Variants in LOXL4 observed in about 807,000 individuals in gnomAD.
LOXL4 encodes lysyl oxidase homolog 4.
LOXL4 carries 72 observed loss-of-function variants against 89.1 expected under a neutral mutation model. The ratio of observed to expected loss-of-function variants is 0.81; its 90% confidence interval spans 0.67 to 0.98. The LOEUF (loss-of-function observed/expected upper bound fraction) is 0.98. Ranked by LOEUF, LOXL4 falls within the 50% of genes least tolerant of loss-of-function variation. The pLI is 0.00. For synonymous variants in LOXL4, 355 were observed against 392.1 expected (o/e 0.91, Z 1.12); for missense variants, 984 against 1,017.5 (o/e 0.97, Z 0.45).
At chr10:98,264,011 G>A (rs1167395183) in intron 1 of LOXL4, among the ~76,000 whole-genome samples, 1 of 151,956 alleles carries the variant, frequency 6.6e-6, no homozygotes, top group Non-Finnish European at 1.5e-5. Flanking sequence ...GATTACAGGT[G>A]TGAGCCACTG....
chr10:98,252,278 G>A (rs1372335614), intron 12 of LOXL4, 75 bp downstream of exon 12: 6 of 1,179,896 alleles, frequency 5.1e-6, no homozygotes, highest in Non-Finnish European at 7.5e-6. Flanking sequence ...AGGGCAGAGA[G>A]AAAGCCTGAT....
rs1439907750 is a variant in LOXL4 at position 98,247,929 on chromosome 10, T to G, written c.*992A>C. The stretch of plus-strand genomic sequence containing the variant: ...CCCTTCTGATTTCTCCACGGTCTTC[T>G]GTCTCTTGCTCTGCCAAACTTGTTT... On this transcript the variant is annotated 3_prime_UTR_variant, in exon 15 of 15. Transcript: ENST00000260702. The G allele has an allele frequency of 1.3e-5, 2 of 152,264 alleles. No homozygotes were observed. The highest frequency in any genetic ancestry group is 4.8e-5 in the African/African-American group (2 of 41,468). 9.4% of individuals were successfully genotyped at this position (152,264 alleles called of 1,614,324 possible). A position where few individuals can be genotyped will look rare whatever the true frequency, so the allele number is the denominator to read the frequency against.
chr10:98,255,213 T>C (rs1046924995), intron 10 of LOXL4, among the ~76,000 whole-genome samples: 1 of 152,200 alleles, frequency 6.6e-6, no homozygotes, highest in African/African-American at 2.4e-5. Context: ...CAAACCACAG[T>C]AAGAAATACA....
At position 98,257,746 on chromosome 10, in the gene LOXL4, G is replaced by A. The variant is rs138979330; in HGVS notation, c.1164C>T (p.Ser388=). Residue 388 remains serine, a synonymous_variant, in exon 8 of 15, where the codon AGC becomes AGT. Transcript: ENST00000260702. The part of the protein sequence containing the change: ...VRCRGYERTL[S]DCPALEGSQN... ...GGGACCCTTCCAGGGCAGGGCAGTC[G>A]CTGAGGGTCCGCTCATATCCCCTGC... The A allele has an allele frequency of 1.9e-5, 31 of 1,614,106 alleles. No individual in the cohort carries two copies. Among genetic ancestry groups the A allele is most frequent in the Middle Eastern group, 1.7e-4 (1 of 6,058 alleles).
Position 98,259,071 on chromosome 10 carries a change from C to G in LOXL4, c.859G>C (p.Val287Leu). 1 of 1,584,240 alleles carries G rather than the reference C, an allele frequency of 6.3e-7. No homozygotes were observed. The highest frequency in any genetic ancestry group is 1.1e-5 in the South Asian group (1 of 87,484). ...GGTGGGCGGAAGTGAGGCCCTGCCACACAGCTGACCACAGCGTGCATGCCA... is the reference window on the plus strand; with the variant it reads ...GGTGGGCGGAAGTGAGGCCCTGCCAGACAGCTGACCACAGCGTGCATGCCA... ...PGGMHAVVSCVAGPHFRPPKT... is the reference protein window; with the variant it reads ...PGGMHAVVSCLAGPHFRPPKT... Residue 287 changes from valine (V) to leucine (L), a missense_variant, in exon 6 of 15, where the codon GTG (valine) becomes CTG (leucine). Physicochemically the swap from Val to Leu is conservative, Grantham distance 32. Coordinates refer to ENST00000260702, the MANE Select transcript of LOXL4 (RefSeq NM_032211.7).
At chr10:98,256,632 C>G in intron 9 of LOXL4, 148 bp downstream of exon 9, 1 of 844,332 alleles carries the variant, frequency 1.2e-6, no homozygotes, top group Non-Finnish European at 1.9e-6. Flanking sequence ...CCACACTGTT[C>G]CCAGCACTCA....
chr10:98,260,063 G>A (rs1189842763), intron 4 of LOXL4, among the ~76,000 whole-genome samples: 1 of 152,192 alleles, frequency 6.6e-6, no homozygotes, highest in African/African-American at 2.4e-5. Context: ...CACTTGATGG[G>A]AAACACACAA....
At chr10:98,258,222 G>A in intron 6 of LOXL4, 58 bp from the exon 7 acceptor site, 2 of 1,516,112 alleles carry the variant, frequency 1.3e-6, no homozygotes, top group Non-Finnish European at 8.9e-7. Context: ...CAGGGGCTGA[G>A]CCCCCACAGC....
chr10:98,258,118 C>T lies in LOXL4; in HGVS notation c.968G>A (p.Arg323Gln), dbSNP rs140193739. The change falls in exon 7 of 15, where the codon CGG (arginine) becomes CAG (glutamine). Residue 323 changes from arginine to glutamine, a missense_variant. Transcript: ENST00000260702. ...LRSGAQVGEG[R>Q]VEVLMNRQWG... is the part of the protein sequence containing the mutation. ...CTGGCGGTTCATGAGCACTTCCACCCGGCCCTCGCCCACCTGGGCCCCGGA... is the reference window on the plus strand; with the variant it reads ...CTGGCGGTTCATGAGCACTTCCACCTGGCCCTCGCCCACCTGGGCCCCGGA... 1.9e-5 allele frequency: 30 copies of T among 1,613,134 alleles called. No individual in the cohort carries two copies. The highest frequency in any genetic ancestry group is 8.0e-5 in the African/African-American group (6 of 74,938).
intron 10 of LOXL4, among the ~76,000 whole-genome samples, chr10:98,254,231 C>T (rs181903886): frequency 6.6e-6 from 1 of 152,288 alleles, no homozygotes; most frequent in African/African-American, 2.4e-5. Flanking sequence ...TGCTTTTAAG[C>T]CTGTAAAGTG....
At position 98,251,565 on chromosome 10, in the gene LOXL4, C is replaced by G; in HGVS notation, c.2088+1G>C. 6.2e-7 allele frequency: 1 copy of G among 1,614,050 alleles called. No homozygotes were observed. The highest frequency in any genetic ancestry group is 8.5e-7 in the Non-Finnish European group (1 of 1,179,948). ...TGTGGGGAATCCCCCAGCCGCCTTACCTGGAAGATATAATTCCCGGGGCCC... is the reference window on the plus strand; with the variant it reads ...TGTGGGGAATCCCCCAGCCGCCTTAGCTGGAAGATATAATTCCCGGGGCCC... On this transcript the variant is annotated splice_donor_variant, in intron 13 of 14. Transcript: ENST00000260702. LOFTEE classifies it high-confidence loss of function.
rs141868983 is a variant in LOXL4, at chr10:98,262,688, C to T, written c.277+55G>A. 259 of 1,572,832 alleles carry T rather than the reference C, an allele frequency of 1.6e-4. No individual in the cohort carries two copies. In the African/African-American group the frequency reaches 2.5e-3, roughly 15 times the overall value. On this transcript the variant is annotated intron_variant, in intron 2 of 14. Coordinates refer to ENST00000260702, the MANE Select transcript of LOXL4 (RefSeq NM_032211.7). ...TGGGTGGGTGTCAGTGAGCCCAGCC[C>T]AAGAAGACTGTTACCATCTCCTTGC... is the stretch of plus-strand genomic sequence containing the variant.
chr10:98,256,878 G>A lies in LOXL4; in HGVS notation c.1330C>T (p.Pro444Ser). The change falls in exon 9 of 15, where the codon CCA becomes TCA. Residue 444 changes from proline (P) to serine (S), a missense_variant. Pro to Ser is a moderately conservative substitution (Grantham distance 74, BLOSUM62 -1). Transcript: ENST00000260702. ...TCACTGCACACGCTCCCCCAGCGTG[G>A]GACCCCGTTCACCTCCACCTGCACC... is the stretch of plus-strand genomic sequence containing the variant. ...LEVQVEVNGV[P>S]RWGSVCSENW... is the part of the protein sequence containing the mutation. 1 of 1,614,172 alleles carries A rather than the reference G, an allele frequency of 6.2e-7. No individual in the cohort carries two copies. Among genetic ancestry groups the A allele is most frequent in the South Asian group, 1.1e-5 (1 of 91,088 alleles).
At position 98,261,064 on chromosome 10, in the gene LOXL4, C is replaced by G. The variant is rs1261994037; in HGVS notation, c.520G>C (p.Val174Leu). The G allele has an allele frequency of 1.9e-6, 3 of 1,613,976 alleles. No homozygotes were observed. The highest frequency in any genetic ancestry group is 2.5e-6 in the Non-Finnish European group (3 of 1,180,046). Residue 174 changes from valine to leucine, a missense_variant, in exon 4 of 15, where the codon GTG becomes CTG. Coordinates refer to ENST00000260702, the MANE Select transcript of LOXL4 (RefSeq NM_032211.7). ...ILASAKQHSP[V>L]TEGAVEVKYE... Reference sequence around the variant, plus strand: ...TTCACCTCCACGGCTCCCTCGGTCACTGGGCTATGCTGCTTGGCACTGGCA... The same window carrying G: ...TTCACCTCCACGGCTCCCTCGGTCAGTGGGCTATGCTGCTTGGCACTGGCA...
chr10:98,257,430 C>T (rs1858409811), intron 8 of LOXL4, among the ~76,000 whole-genome samples: 2 of 152,304 alleles, frequency 1.3e-5, no homozygotes, highest in African/African-American at 4.8e-5. Context: ...GGACCCGAGA[C>T]GGGTATGGGA....
intron 8 of LOXL4, 132 bp downstream of exon 8, chr10:98,257,518 C>T: frequency 1.8e-6 from 2 of 1,132,180 alleles, no homozygotes; most frequent in Non-Finnish European, 1.2e-6. Flanking sequence ...TAAGGGAAGG[C>T]AGACTGGTGC....
intron 3 of LOXL4, among the ~76,000 whole-genome samples, chr10:98,261,476 C>T (rs1411224406): frequency 6.6e-6 from 1 of 152,174 alleles, no homozygotes; most frequent in African/African-American, 2.4e-5. Flanking sequence ...CTCTGTACCA[C>T]CCTGAGAGAG....
At chr10:98,252,749 A>T (rs1858234221) in intron 11 of LOXL4, among the ~76,000 whole-genome samples, 1 of 152,196 alleles carries the variant, frequency 6.6e-6, no homozygotes, top group East Asian at 1.9e-4. Context: ...CTGGTGCCTG[A>T]CAGCAAGGCC....
intron 1 of LOXL4, 105 bp from the exon 2 acceptor site, chr10:98,263,156 T>A: frequency 2.7e-6 from 2 of 738,688 alleles, no homozygotes; most frequent in Non-Finnish European, 4.0e-6. Flanking sequence ...AAAACCCCCC[T>A]CAAATGTGTG....
Sources: gnomAD v4.1 joint callset for allele counts (sites outside exome capture counted in the v4.1 genomes callset) on GRCh38, gnomAD v4.1.1 for gene constraint, MANE v1.5 for transcripts, NCBI Gene and HGNC (gene_info 2026-07-23, HGNC 2026-07-21) for gene names.